NBAS: variants seen among roughly 807,000 people sequenced by gnomAD.
The protein encoded by NBAS is NAG/BC035112 fusion.
Under a neutral mutation model 302.5 loss-of-function variants are expected in NBAS, and 219 were observed. That is an observed-to-expected ratio of 0.72 (90% CI 0.65 to 0.81). The LOEUF (loss-of-function observed/expected upper bound fraction) is 0.81. Ranked by LOEUF, NBAS falls within the 30% of genes least tolerant of loss-of-function variation. NBAS has a pLI of 0.00. For missense variants in NBAS, 2,932 were observed against 2,841.6 expected, an observed-to-expected ratio of 1.03 and a Z score of -0.72; for synonymous variants, 1,118 against 1,021.6, an observed-to-expected ratio of 1.09 and a Z score of -1.80.
chr2:14,791,244 G>C, the NBAS span, among the ~76,000 whole-genome samples: 1 of 152,086 alleles, frequency 6.6e-6, no homozygotes, highest in Admixed American at 6.6e-5. Flanking sequence ...ACCTGCCTCA[G>C]CCTTCCAAAG....
At chr2:15,286,540 C>A (rs768761992) in intron 42 of NBAS, among the ~76,000 whole-genome samples, 6 of 152,206 alleles carry the variant, frequency 3.9e-5, no homozygotes, top group African/African-American at 7.2e-5. Flanking sequence ...CCAACACTGT[C>A]CATTTGTTCC....
chr2:15,208,171 G>A (rs946873432), intron 48 of NBAS, among the ~76,000 whole-genome samples: 3 of 152,148 alleles, frequency 2.0e-5, no homozygotes, highest in Non-Finnish European at 4.4e-5. Flanking sequence ...CCATGTGGCT[G>A]GGAAGGCCTC....
At chr2:14,878,948 C>G in the NBAS span, among the ~76,000 whole-genome samples, 1 of 152,286 alleles carries the variant, frequency 6.6e-6, no homozygotes, top group Non-Finnish European at 1.5e-5. Flanking sequence ...ATCCCGTGAT[C>G]TGTCTGTTTA....
intron 9 of NBAS, among the ~76,000 whole-genome samples, chr2:15,514,715 A>G (rs910622085): frequency 2.0e-5 from 3 of 151,884 alleles, no homozygotes; most frequent in African/African-American, 7.2e-5. Flanking sequence ...TACTAATTAA[A>G]TTTATGTTAA....
chr2:15,330,726 A>G lies in NBAS; in HGVS notation c.4219T>C (p.Leu1407=), dbSNP rs1325892097. The change falls in exon 36 of 52, where the codon TTG becomes CTG. Residue 1407 remains leucine, a synonymous_variant. Transcript: ENST00000281513. ...ATGGTGGTAGCAGTGGTCCAGCGCA[A>G]TAGGTCAGCTGAATTGCTACCTGGA... ...GVPGSNSADL[L]RWTTATTMKV... 6.8e-6 allele frequency: 11 copies of G among 1,614,042 alleles called. No individual in the cohort carries two copies. The highest frequency in any genetic ancestry group is 9.3e-6 in the Non-Finnish European group (11 of 1,179,946).
intron 40 of NBAS, among the ~76,000 whole-genome samples, chr2:15,306,716 C>G (rs1671050537): frequency 1.3e-5 from 2 of 150,534 alleles, no homozygotes; most frequent in Non-Finnish European, 3.0e-5. Context: ...TAACCCTTAT[C>G]TTTCAGTATT....
At chr2:15,272,401 C>T (rs530797558) in intron 44 of NBAS, among the ~76,000 whole-genome samples, 1 of 152,188 alleles carries the variant, frequency 6.6e-6, no homozygotes. Flanking sequence ...TGGGCAAATC[C>T]AGCTGCATTT....
At chr2:14,832,744 A>T in the NBAS span, among the ~76,000 whole-genome samples, 2 of 152,164 alleles carry the variant, frequency 1.3e-5, no homozygotes, top group Admixed American at 1.3e-4. Flanking sequence ...TATTGCATGG[A>T]TTCTACACTA....
chr2:15,120,216 A>G, the NBAS span, among the ~76,000 whole-genome samples: 2,420 of 152,300 alleles, frequency 0.016, 159 homozygotes, highest in East Asian at 0.23. Flanking sequence ...GTGCCTAAAC[A>G]ATAAACACAT....
At chr2:15,494,353 A>G (rs1356985319) in intron 11 of NBAS, among the ~76,000 whole-genome samples, 1 of 152,240 alleles carries the variant, frequency 6.6e-6, no homozygotes, top group African/African-American at 2.4e-5. Flanking sequence ...AACAACATCT[A>G]CACATTATAA....
At chr2:15,353,929 T>C (rs759516086) in intron 33 of NBAS, among the ~76,000 whole-genome samples, 40 of 152,288 alleles carry the variant, frequency 2.6e-4, no homozygotes, top group Non-Finnish European at 5.3e-4. Flanking sequence ...TCTAAACAAG[T>C]GTTTCTGACA....
At chr2:14,865,007 C>T in the NBAS span, among the ~76,000 whole-genome samples, 1 of 152,188 alleles carries the variant, frequency 6.6e-6, no homozygotes, top group Admixed American at 6.5e-5. Context: ...CAGAGCAACT[C>T]AGCTTTTGTC....
chr2:15,364,957 A>G (rs1380466019), intron 32 of NBAS, among the ~76,000 whole-genome samples: 1 of 152,138 alleles, frequency 6.6e-6, no homozygotes, highest in Non-Finnish European at 1.5e-5. Context: ...AACACTCTAT[A>G]AGGTAAAGGC....
intron 48 of NBAS, among the ~76,000 whole-genome samples, chr2:15,211,237 A>C (rs1246224839): frequency 1.3e-5 from 2 of 152,170 alleles, no homozygotes; most frequent in Non-Finnish European, 2.9e-5. Flanking sequence ...CATGTAACCC[A>C]AAAATATATA....
At chr2:14,899,085 T>C in the NBAS span, among the ~76,000 whole-genome samples, 7 of 152,304 alleles carry the variant, frequency 4.6e-5, no homozygotes, top group African/African-American at 1.7e-4. Context: ...GTGGCTGGAC[T>C]TCTTAGGTGG....
chr2:14,937,615 G>A, the NBAS span, among the ~76,000 whole-genome samples: 2 of 152,136 alleles, frequency 1.3e-5, no homozygotes, highest in African/African-American at 4.8e-5. Context: ...AGGGGACTTT[G>A]ATTCTAGGAG....
downstream of NBAS, among the ~76,000 whole-genome samples, chr2:15,165,385 T>C (rs1395057808): frequency 6.6e-6 from 1 of 152,186 alleles, no homozygotes; most frequent in Non-Finnish European, 1.5e-5. Context: ...TAGAGGCTTG[T>C]GCAGGCCATT....
chr2:15,396,512 G>A, intron 26 of NBAS, 37 bp from the exon 27 acceptor site: 1 of 1,406,338 alleles, frequency 7.1e-7, no homozygotes, highest in Non-Finnish European at 9.7e-7. Context: ...AAGCCCTTAA[G>A]TTTAGTATTA....
the NBAS span, among the ~76,000 whole-genome samples, chr2:14,780,730 C>A: frequency 1.3e-5 from 2 of 152,190 alleles, no homozygotes; most frequent in Non-Finnish European, 2.9e-5. Flanking sequence ...ACTTAGGGAA[C>A]CTTTTTTTGG....
Sources: gnomAD v4.1 joint callset for allele counts (sites outside exome capture counted in the v4.1 genomes callset) on GRCh38, gnomAD v4.1.1 for gene constraint, MANE v1.5 for transcripts, NCBI Gene and HGNC (gene_info 2026-07-23, HGNC 2026-07-21) for gene names.